GRM7: variants seen among roughly 807,000 people sequenced by gnomAD.
The protein encoded by GRM7 is metabotropic glutamate receptor 7.
In GRM7, 35 loss-of-function variants were observed where a neutral mutation model predicts 84.5. That is an observed-to-expected ratio of 0.41 (90% confidence interval 0.32 to 0.55). GRM7 has a LOEUF of 0.55. Ranked by LOEUF, GRM7 falls within the 20% of genes least tolerant of loss-of-function variation. The pLI is 0.19. For synonymous variants in GRM7, 487 were observed against 455.1 expected (o/e 1.07, Z -0.89); for missense variants, 1,003 against 1,194.6 (o/e 0.84, Z 2.36).
intron 8 of GRM7, among the ~76,000 whole-genome samples, chr3:7,601,137 C>T (rs1696292857): frequency 2.0e-5 from 3 of 152,076 alleles, no homozygotes; most frequent in South Asian, 4.1e-4. Flanking sequence ...GGTTATTAAA[C>T]CTGCTGCCTT....
chr3:7,063,447 C>T lies in GRM7; in HGVS notation c.520-83005C>T, dbSNP rs115870592. On this transcript the variant is annotated intron_variant, in intron 1 of 9. Transcript: ENST00000357716. ...ATAAGCTGGACATGCAGAAACAACA[C>T]ACTAGCTACACCTCAGAGGCGGCAG... Among the ~76,000 whole-genome samples the T allele has an allele frequency of 2.8e-3, 431 of 151,844 alleles. 1 individual carries two copies. Among genetic ancestry groups the T allele is most frequent in the Middle Eastern group, 0.017 (5 of 294 alleles).
chr3:7,342,759 T>C (rs1034570546), intron 4 of GRM7, among the ~76,000 whole-genome samples: 2 of 152,124 alleles, frequency 1.3e-5, no homozygotes, highest in Non-Finnish European at 2.9e-5. Context: ...GTACCACACT[T>C]TGAGAACCGC....
intron 2 of GRM7, among the ~76,000 whole-genome samples, chr3:7,263,844 C>T (rs1291436903): frequency 6.6e-6 from 1 of 152,102 alleles, no homozygotes; most frequent in Non-Finnish European, 1.5e-5. Flanking sequence ...GCAGCAGTGG[C>T]ATAGCAGGGT....
intron 7 of GRM7, among the ~76,000 whole-genome samples, chr3:7,489,768 A>G (rs893986860): frequency 6.6e-6 from 1 of 152,116 alleles, no homozygotes; most frequent in Non-Finnish European, 1.5e-5. Flanking sequence ...ATGAGGTCAC[A>G]GCTTTCTTAA....
At chr3:7,200,831 C>T (rs953212307) in intron 2 of GRM7, among the ~76,000 whole-genome samples, 51 of 152,264 alleles carry the variant, frequency 3.3e-4, no homozygotes, top group South Asian at 2.3e-3. Flanking sequence ...CCTGTCACTC[C>T]TCCTCACCGT....
chr3:7,256,098 C>A (rs1377229033), intron 2 of GRM7, among the ~76,000 whole-genome samples: 5 of 152,290 alleles, frequency 3.3e-5, no homozygotes, highest in African/African-American at 1.2e-4. Context: ...CACTTTCCCC[C>A]TTCCAGAGCC....
At chr3:7,287,096 TAGATAG>T (rs1401992515) in intron 2 of GRM7, among the ~76,000 whole-genome samples, 3 of 152,134 alleles carry the variant, frequency 2.0e-5, no homozygotes, top group Non-Finnish European at 4.4e-5. Flanking sequence ...GTTGATCCCA[TAGATAG>T]AGATAAAGAA....
intron 4 of GRM7, among the ~76,000 whole-genome samples, chr3:7,369,364 G>A (rs1694040680): frequency 6.6e-6 from 1 of 152,106 alleles, no homozygotes; most frequent in African/African-American, 2.4e-5. Context: ...GCTGAGTCAG[G>A]AGGAGGGAGA....
At chr3:7,291,898 G>A (rs1699642872) in intron 2 of GRM7, among the ~76,000 whole-genome samples, 1 of 152,140 alleles carries the variant, frequency 6.6e-6, no homozygotes, top group Admixed American at 6.5e-5. Flanking sequence ...CTGAATCATG[G>A]GGGCAGTTCC....
chr3:7,197,399 C>T (rs75889517), intron 2 of GRM7, among the ~76,000 whole-genome samples: 1 of 152,248 alleles, frequency 6.6e-6, no homozygotes, highest in East Asian at 1.9e-4. Context: ...AATTCCAATT[C>T]TCTCAATGTT....
At position 6,928,258 on chromosome 3, in the gene GRM7, C is replaced by T. The variant is rs1004602419; in HGVS notation, c.519+66351C>T. On this transcript the variant is annotated intron_variant, in intron 1 of 9. Coordinates refer to ENST00000357716, the MANE Select transcript of GRM7 (RefSeq NM_000844.4). This position sits in a 1 kb window ranked among gnomAD's most constrained non-coding sequence, Gnocchi z 4.5. ...AGTTGCTCAATACCACTCTCTTTCC[C>T]AGGTACTAAAAAATGCAGTTGTAAT... is the stretch of plus-strand genomic sequence containing the variant. Among the ~76,000 whole-genome samples the T allele has an allele frequency of 1.3e-5, 2 of 152,028 alleles. No homozygotes were observed. Among genetic ancestry groups the T allele is most frequent in the African/African-American group, 4.8e-5 (2 of 41,396 alleles).
intron 1 of GRM7, among the ~76,000 whole-genome samples, chr3:7,111,281 T>G (rs1164680242): frequency 6.6e-6 from 1 of 152,114 alleles, no homozygotes; most frequent in Non-Finnish European, 1.5e-5. Flanking sequence ...AATTGGTTAC[T>G]TTAGGATATA....
intron 8 of GRM7, among the ~76,000 whole-genome samples, chr3:7,584,224 T>A (rs1224957720): frequency 6.6e-6 from 1 of 152,206 alleles, no homozygotes; most frequent in African/African-American, 2.4e-5. Context: ...ATAATCAGAA[T>A]TAATGAAACC....
intron 9 of GRM7, among the ~76,000 whole-genome samples, chr3:7,696,788 A>G (rs934570230): frequency 3.9e-5 from 6 of 152,182 alleles, no homozygotes; most frequent in Non-Finnish European, 1.5e-5. Flanking sequence ...GAAGATGGCT[A>G]TTTTTCAGCG....
rs554169901 is a variant in GRM7 at position 7,522,742 on chromosome 3, T to C, written c.1516-55680T>C. Among the ~76,000 whole-genome samples the C allele has an allele frequency of 3.9e-5, 6 of 152,288 alleles. No individual in the cohort carries two copies. In the South Asian group the frequency reaches 1.0e-3, roughly 26 times the overall value. The stretch of plus-strand genomic sequence containing the variant: ...GTGGCAGAATGGCCTGTGAAATCCA[T>C]GGCTATGAACTGAGTTGTGTCTCTG... On this transcript the variant is annotated intron_variant, in intron 7 of 9. Coordinates refer to ENST00000357716, the MANE Select transcript of GRM7 (RefSeq NM_000844.4).
At chr3:7,168,713 T>G (rs1372432406) in intron 2 of GRM7, among the ~76,000 whole-genome samples, 2 of 152,214 alleles carry the variant, frequency 1.3e-5, no homozygotes, top group Non-Finnish European at 2.9e-5. Context: ...ACAATTTAGC[T>G]GCCATTTACA....
rs1221287206 is a variant in GRM7, at chr3:6,863,567, T to A, written c.519+1660T>A. ...CCTGGCAGGTCTGCAAACCCAAAAGTGCTTCGGGGCTAGCCATCACTCTGA... is the reference window on the plus strand; with the variant it reads ...CCTGGCAGGTCTGCAAACCCAAAAGAGCTTCGGGGCTAGCCATCACTCTGA... On this transcript the variant is annotated intron_variant, in intron 1 of 9. Coordinates refer to ENST00000357716, the MANE Select transcript of GRM7 (RefSeq NM_000844.4). The surrounding 1 kb of genome is among the most constrained non-coding windows in gnomAD (Gnocchi z 4.8). Among the ~76,000 whole-genome samples, 2 of 152,138 alleles carry A rather than the reference T, an allele frequency of 1.3e-5. No homozygotes were observed. The highest frequency in any genetic ancestry group is 4.8e-5 in the African/African-American group (2 of 41,434).
chr3:7,717,534 G>C (rs1701808423), intron 9 of GRM7, among the ~76,000 whole-genome samples: 2 of 152,178 alleles, frequency 1.3e-5, no homozygotes, highest in Admixed American at 6.5e-5. Context: ...TATTTTGAAA[G>C]CAGAAATTAG....
At chr3:6,934,382 C>G (rs1488778677) in intron 1 of GRM7, among the ~76,000 whole-genome samples, 2 of 151,878 alleles carry the variant, frequency 1.3e-5, no homozygotes, top group Non-Finnish European at 2.9e-5. Flanking sequence ...AGTAAGGTAC[C>G]ATGAAAACTG....
Sources: allele counts gnomAD v4.1 joint callset (sites outside exome capture counted in the v4.1 genomes callset), GRCh38; gene constraint gnomAD v4.1.1; non-coding constraint Gnocchi (gnomAD v3.1); transcripts MANE v1.5; gene names NCBI Gene and HGNC (gene_info 2026-07-23, HGNC 2026-07-21).